Variants in EPS15 observed in about 807,000 individuals in gnomAD.
The protein encoded by EPS15 is epidermal growth factor receptor substrate 15.
EPS15 carries 72 observed loss-of-function variants against 113.8 expected under a neutral mutation model. That is an observed-to-expected ratio of 0.63 (90% CI 0.52 to 0.77). The LOEUF (loss-of-function observed/expected upper bound fraction) is 0.77, where lower values mean the gene tolerates loss of function less well. Ranked by LOEUF, EPS15 falls within the 30% of genes least tolerant of loss-of-function variation. The pLI, the probability that EPS15 is intolerant of heterozygous loss-of-function variation, is 0.00. For synonymous variants in EPS15, 344 were observed against 363.4 expected (o/e 0.95, Z 0.61); for missense variants, 1,048 against 1,045.8 (o/e 1.00, Z -0.03).
chr1:51,402,352 A>G, intron 18 of EPS15, 83 bp downstream of exon 18: 1 of 688,180 alleles, frequency 1.5e-6, no homozygotes, highest in East Asian at 3.2e-5. Flanking sequence ...AGGCTATTGA[A>G]ACTGAAGCCT....
chr1:51,355,611 T>C lies in EPS15; in HGVS notation c.*1089A>G, dbSNP rs1231481679. On this transcript the variant is annotated 3_prime_UTR_variant, in exon 25 of 25. Transcript: ENST00000371733. ...AAAAACATGAAGTGAGTAAATAAACTAAACCACAAAGATGGACAAAAAGCA... is the reference window on the plus strand; with the variant it reads ...AAAAACATGAAGTGAGTAAATAAACCAAACCACAAAGATGGACAAAAAGCA... 2.1e-5 allele frequency: 4 copies of C among 190,246 alleles called. No individual in the cohort carries two copies. Among genetic ancestry groups the C allele is most frequent in the Admixed American group, 6.2e-5 (1 of 16,180 alleles). 11.8% of individuals were successfully genotyped at this position (190,246 alleles called of 1,614,324 possible).
At chr1:51,368,667 G>A (rs528007751) in intron 21 of EPS15, among the ~76,000 whole-genome samples, 164 of 149,806 alleles carry the variant, frequency 1.1e-3, no homozygotes, top group African/African-American at 3.9e-3. Context: ...GCACGATCTC[G>A]GCTCACTGCA....
chr1:51,485,568 AAAAC>A (rs753082587), intron 1 of EPS15, among the ~76,000 whole-genome samples: 6 of 152,324 alleles, frequency 3.9e-5, no homozygotes, highest in South Asian at 2.1e-4. Context: ...TCTCCTTAAA[AAAAC>A]AAACAAACAA....
At chr1:51,363,802 C>A in intron 23 of EPS15, 64 bp downstream of exon 23, 1 of 1,487,750 alleles carries the variant, frequency 6.7e-7, no homozygotes, top group South Asian at 1.3e-5. Context: ...GTAAGTTCCG[C>A]ACAATACTTT....
chr1:51,388,309 A>G (rs368578884), intron 21 of EPS15, among the ~76,000 whole-genome samples: 2 of 152,230 alleles, frequency 1.3e-5, no homozygotes, highest in African/African-American at 4.8e-5. Context: ...TCTCTGGGAC[A>G]CATTCAAAGC....
intron 21 of EPS15, among the ~76,000 whole-genome samples, chr1:51,383,285 T>C (rs565983704): frequency 6.6e-6 from 1 of 152,378 alleles, no homozygotes; most frequent in South Asian, 2.1e-4. Context: ...CATTCAATCT[T>C]GAGAGGCTGA....
At position 51,356,305 on chromosome 1, in the gene EPS15, C is replaced by T. The variant is rs962510540; in HGVS notation, c.*395G>A. 4 of 229,072 alleles carry T rather than the reference C, an allele frequency of 1.7e-5. No homozygotes were observed. The highest frequency in any genetic ancestry group is 1.8e-4 in the South Asian group (1 of 5,536). 14.2% of individuals were successfully genotyped at this position (229,072 alleles called of 1,614,324 possible). A position where few individuals can be genotyped will look rare whatever the true frequency, so the allele number is the denominator to read the frequency against. On this transcript the variant is annotated 3_prime_UTR_variant, in exon 25 of 25. Transcript: ENST00000371733. Reference sequence around the variant, plus strand: ...TCCAATCAGGGGAGAATACTGCAAACTTTAAGAACCTCACTGGCTATCATC... The same window carrying T: ...TCCAATCAGGGGAGAATACTGCAAATTTTAAGAACCTCACTGGCTATCATC...
intron 11 of EPS15, among the ~76,000 whole-genome samples, chr1:51,442,738 T>A (rs1652690243): frequency 6.6e-6 from 1 of 151,974 alleles, no homozygotes; most frequent in South Asian, 2.1e-4. Context: ...TTTTGCTGAA[T>A]AAAAAACCTC....
chr1:51,503,337 A>G (rs72892035), intron 1 of EPS15, among the ~76,000 whole-genome samples: 2,842 of 152,138 alleles, frequency 0.019, 90 homozygotes, highest in African/African-American at 0.064. Flanking sequence ...ACAATCTTGA[A>G]AGAAAAAAGC....
intron 21 of EPS15, among the ~76,000 whole-genome samples, chr1:51,390,448 A>G (rs1204410261): frequency 6.6e-6 from 1 of 152,232 alleles, no homozygotes; most frequent in Non-Finnish European, 1.5e-5. Context: ...TGACAACAGA[A>G]GCCAAAATTG....
chr1:51,502,881 C>G (rs1289399380), intron 1 of EPS15, among the ~76,000 whole-genome samples: 1 of 151,454 alleles, frequency 6.6e-6, no homozygotes, highest in Non-Finnish European at 1.5e-5. Flanking sequence ...GGGGGCTTGC[C>G]TATAATTCCA....
At chr1:51,364,923 G>A (rs185012182) in intron 22 of EPS15, among the ~76,000 whole-genome samples, 100 of 152,080 alleles carry the variant, frequency 6.6e-4, no homozygotes, top group African/African-American at 2.3e-3. Flanking sequence ...TCTGCCTCTT[G>A]GGCTCATGTG....
chr1:51,484,328 G>A (rs938891072), intron 1 of EPS15, among the ~76,000 whole-genome samples: 13 of 152,104 alleles, frequency 8.5e-5, no homozygotes, highest in African/African-American at 2.4e-4. Context: ...TTGGGAGGCC[G>A]AGGCAGGAGG....
intron 1 of EPS15, among the ~76,000 whole-genome samples, chr1:51,509,352 CTAATT>C (rs1435818557): frequency 2.6e-5 from 4 of 152,086 alleles, no homozygotes; most frequent in Non-Finnish European, 5.9e-5. Flanking sequence ...CATCAAAATT[CTAATT>C]AAGTGCAACA....
At chr1:51,465,401 G>C in intron 5 of EPS15, 75 bp from the exon 6 acceptor site, 1 of 966,054 alleles carries the variant, frequency 1.0e-6, no homozygotes, top group South Asian at 1.5e-5. Context: ...ATGGTTTTTG[G>C]ATTTAAATAT....
At chr1:51,488,922 A>C (rs1048308009) in intron 1 of EPS15, among the ~76,000 whole-genome samples, 1 of 152,170 alleles carries the variant, frequency 6.6e-6, no homozygotes, top group African/African-American at 2.4e-5. Context: ...AACCCTTCTC[A>C]TAGCTGGCTA....
In EPS15 at chr1:51,361,273, G is replaced by A. The variant is rs145914495; in HGVS notation, c.2442C>T (p.Ser814=). ...DPFQPFPGND[S]PKEKDPEIFC... Reference sequence around the variant, plus strand: ...ATATTTCAGGATCTTTTTCTTTGGGGCTATCGTTGCCTGGGAAAGGCTGAA... The same window carrying A: ...ATATTTCAGGATCTTTTTCTTTGGGACTATCGTTGCCTGGGAAAGGCTGAA... The change falls in exon 24 of 25, where the codon AGC becomes AGT. Residue 814 remains serine, a synonymous_variant. Transcript: ENST00000371733. The A allele has an allele frequency of 9.3e-6, 15 of 1,613,406 alleles. No homozygotes were observed. In the African/African-American group the frequency reaches 1.5e-4, roughly 16 times the overall value.
Position 51,356,677 on chromosome 1 carries a change from T to A in EPS15, c.*23A>T. On this transcript the variant is annotated 3_prime_UTR_variant, in exon 25 of 25. Coordinates refer to ENST00000371733, the MANE Select transcript of EPS15 (RefSeq NM_001981.3). ...ATTCAGGAAGAAGAATACTATATTG[T>A]TGCCAAAGAACAAGAGAATTCTTCA... 1.9e-6 allele frequency: 3 copies of A among 1,608,820 alleles called. No homozygotes were observed. Among genetic ancestry groups the A allele is most frequent in the Non-Finnish European group, 2.6e-6 (3 of 1,176,146 alleles).
chr1:51,371,534 T>A (rs1646652575), intron 21 of EPS15, among the ~76,000 whole-genome samples: 1 of 150,426 alleles, frequency 6.6e-6, no homozygotes. Flanking sequence ...AAAAAAAAAA[T>A]TTAAAAGTAG....
Sources: gnomAD v4.1 joint callset for allele counts (sites outside exome capture counted in the v4.1 genomes callset) on GRCh38, gnomAD v4.1.1 for gene constraint, MANE v1.5 for transcripts, NCBI Gene and HGNC (gene_info 2026-07-23, HGNC 2026-07-21) for gene names.